The following ADAMTS18 variants were observed in gnomAD, a reference collection of about 807,000 sequenced individuals.
ADAMTS18 encodes the protein A disintegrin and metalloproteinase with thrombospondin motifs 18.
ADAMTS18 carries 157 observed loss-of-function variants against 165.9 expected under a neutral mutation model. The observed-to-expected ratio is 0.95, with a 90% CI of 0.83 to 1.08. ADAMTS18 has a LOEUF of 1.08. Ranked by LOEUF, ADAMTS18 falls within the 50% of genes least tolerant of loss-of-function variation. The pLI is 0.00. For missense variants in ADAMTS18, 2,040 were observed against 1,534.0 expected (o/e 1.33, Z -5.51); for synonymous variants, 782 against 578.2 (o/e 1.35, Z -5.06).
chr16:77,389,023 G>C (rs2057148652), intron 3 of ADAMTS18, among the ~76,000 whole-genome samples: 1 of 152,204 alleles, frequency 6.6e-6, no homozygotes, highest in Admixed American at 6.5e-5. Context: ...GAGTAGGCTG[G>C]GCACAGTGGC....
At chr16:77,413,951 T>A (rs1277362562) in intron 3 of ADAMTS18, among the ~76,000 whole-genome samples, 2 of 152,136 alleles carry the variant, frequency 1.3e-5, no homozygotes, top group African/African-American at 2.4e-5. Flanking sequence ...TTAGTCTCTA[T>A]TTTAAATTCA....
rs989448465 is a variant in ADAMTS18 at position 77,359,763 on chromosome 16, G to A, written c.1217-340C>T. Among the ~76,000 whole-genome samples, 11 of 152,208 alleles carry A rather than the reference G, an allele frequency of 7.2e-5. No homozygotes were observed. In the East Asian group the frequency reaches 2.1e-3, roughly 29 times the overall value. On this transcript the variant is annotated intron_variant, in intron 7 of 22. Transcript: ENST00000282849. ...ATGCCTTGTCTGAGTTTATCATTCA[G>A]GTCAGAGCAACGGATAGAATGATAG... is the stretch of plus-strand genomic sequence containing the variant.
chr16:77,374,315 A>T (rs1270826130), intron 3 of ADAMTS18, among the ~76,000 whole-genome samples: 1 of 152,126 alleles, frequency 6.6e-6, no homozygotes, highest in Non-Finnish European at 1.5e-5. Flanking sequence ...GAAACCAGAC[A>T]TAGGAAGTGA....
At chr16:77,395,578 T>G (rs776785698) in intron 3 of ADAMTS18, among the ~76,000 whole-genome samples, 66 of 152,318 alleles carry the variant, frequency 4.3e-4, no homozygotes, top group Non-Finnish European at 7.9e-4. Context: ...ACTATGCTCC[T>G]TTCTTTTGAA....
At chr16:77,330,940 A>G (rs1403885604) in intron 12 of ADAMTS18, among the ~76,000 whole-genome samples, 1 of 152,268 alleles carries the variant, frequency 6.6e-6, no homozygotes, top group Non-Finnish European at 1.5e-5. Flanking sequence ...GAGAAAAAAC[A>G]GCATTACTGC....
chr16:77,310,828 A>G (rs1490342821), intron 16 of ADAMTS18, among the ~76,000 whole-genome samples: 3 of 151,888 alleles, frequency 2.0e-5, no homozygotes, highest in African/African-American at 4.8e-5. Context: ...GGGTTTTTTC[A>G]TGTTTCCCAG....
At chr16:77,306,900 A>G (rs1466516418) in intron 16 of ADAMTS18, among the ~76,000 whole-genome samples, 1 of 152,148 alleles carries the variant, frequency 6.6e-6, no homozygotes, top group Non-Finnish European at 1.5e-5. Flanking sequence ...AAAACCTCAC[A>G]TCTTCACTCT....
At position 77,393,107 on chromosome 16, in the gene ADAMTS18, A is replaced by G. The variant is rs138554105; in HGVS notation, c.496-25384T>C. Among the ~76,000 whole-genome samples the G allele has an allele frequency of 9.7e-4, 147 of 152,302 alleles. 1 individual carries two copies. Among genetic ancestry groups the G allele is most frequent in the African/African-American group, 3.4e-3 (141 of 41,572 alleles). ...ATGAATCGTATTTAAAGCACTCTAAAACTGAAAGAGTACCCAGGGACCATC... is the reference window on the plus strand; with the variant it reads ...ATGAATCGTATTTAAAGCACTCTAAGACTGAAAGAGTACCCAGGGACCATC... On this transcript the variant is annotated intron_variant, in intron 3 of 22. Transcript: ENST00000282849.
intron 3 of ADAMTS18, among the ~76,000 whole-genome samples, chr16:77,370,878 T>C (rs1339497999): frequency 6.6e-6 from 1 of 151,102 alleles, no homozygotes; most frequent in Non-Finnish European, 1.5e-5. Flanking sequence ...TATAAAACAC[T>C]GATGAAACAA....
chr16:77,431,388 C>A lies in ADAMTS18; in HGVS notation c.402G>T (p.Glu134Asp). 1 of 1,614,152 alleles carries A rather than the reference C, an allele frequency of 6.2e-7. No individual in the cohort carries two copies. The highest frequency in any genetic ancestry group is 8.5e-7 in the Non-Finnish European group (1 of 1,180,036). Residue 134 changes from glutamate to aspartate, a missense_variant, in exon 3 of 23, where the codon GAG becomes GAT. Coordinates refer to ENST00000282849, the MANE Select transcript of ADAMTS18 (RefSeq NM_199355.4). ...VQVLGKDGAS[E>D]TQKPEVQQCF... ...ATTGCTGCACCTCGGGTTTCTGAGT[C>A]TCTGAAGCACCATCTTTTCCAAGTA...
chr16:77,303,123 A>G (rs17687224), intron 16 of ADAMTS18, among the ~76,000 whole-genome samples: 14,654 of 152,168 alleles, frequency 0.096, 891 homozygotes, highest in Admixed American at 0.17. Context: ...TCCAAGTCCA[A>G]GTTCTTTACT....
chr16:77,425,998 A>T (rs919192621), intron 3 of ADAMTS18, among the ~76,000 whole-genome samples: 9 of 152,156 alleles, frequency 5.9e-5, no homozygotes, highest in South Asian at 2.1e-4. Flanking sequence ...GTGGGCCGAG[A>T]TCGCTGCACT....
At chr16:77,286,161 G>A (rs893862650) in intron 22 of ADAMTS18, among the ~76,000 whole-genome samples, 4 of 152,050 alleles carry the variant, frequency 2.6e-5, no homozygotes, top group Non-Finnish European at 4.4e-5. Flanking sequence ...TTCCTGCCTC[G>A]GGGACTTTGG....
chr16:77,320,104 A>C lies in ADAMTS18; in HGVS notation c.2288-11T>G, dbSNP rs753127422. ...CCACCGGATAATATTCTAAATGGAA[A>C]GAAGAGAACATGTCTGAATTCCACC... is the stretch of plus-strand genomic sequence containing the variant. On this transcript the variant is annotated splice_polypyrimidine_tract_variant and intron_variant, in intron 15 of 22. Coordinates refer to ENST00000282849, the MANE Select transcript of ADAMTS18 (RefSeq NM_199355.4). 3 of 1,614,112 alleles carry C rather than the reference A, an allele frequency of 1.9e-6. No individual in the cohort carries two copies. The Admixed American group carries it at 5.0e-5, about 27-fold the overall frequency.
chr16:77,398,372 A>AAG (rs981434236), intron 3 of ADAMTS18, among the ~76,000 whole-genome samples: 1 of 151,930 alleles, frequency 6.6e-6, no homozygotes, highest in Non-Finnish European at 1.5e-5. Flanking sequence ...GAGAAAGAGA[A>AAG]AGAGAGAGAG....
At chr16:77,394,290 G>C (rs77690318) in intron 3 of ADAMTS18, among the ~76,000 whole-genome samples, 1 of 152,148 alleles carries the variant, frequency 6.6e-6, no homozygotes, top group African/African-American at 2.4e-5. Flanking sequence ...TCATAGAACA[G>C]GTAAGAAATA....
intron 8 of ADAMTS18, among the ~76,000 whole-genome samples, chr16:77,357,032 A>G (rs931572588): frequency 6.7e-5 from 10 of 148,700 alleles, no homozygotes; most frequent in African/African-American, 2.2e-4. Flanking sequence ...ACGGAAGGAT[A>G]TAAATATGAA....
intron 3 of ADAMTS18, among the ~76,000 whole-genome samples, chr16:77,368,099 T>C (rs1299215780): frequency 6.6e-6 from 1 of 152,202 alleles, no homozygotes; most frequent in Admixed American, 6.5e-5. Flanking sequence ...TTTTGAACTC[T>C]TGGCCTCCCA....
intron 10 of ADAMTS18, among the ~76,000 whole-genome samples, chr16:77,352,056 G>C (rs1478118045): frequency 6.6e-6 from 1 of 152,028 alleles, no homozygotes; most frequent in African/African-American, 2.4e-5. Context: ...TTTACAGAAG[G>C]CTCACCAGCA....
Sources: gnomAD v4.1 joint callset for allele counts (sites outside exome capture counted in the v4.1 genomes callset) on GRCh38, gnomAD v4.1.1 for gene constraint, MANE v1.5 for transcripts, NCBI Gene and HGNC (gene_info 2026-07-23, HGNC 2026-07-21) for gene names.